The following USP38 variants were observed in gnomAD, a reference collection of about 807,000 sequenced individuals.
USP38 encodes the protein ubiquitin specific peptidase 38.
Under a neutral mutation model 94.3 loss-of-function variants are expected in USP38, and 49 were observed. That is an observed-to-expected ratio of 0.52 (90% CI 0.41 to 0.66). USP38 has a LOEUF of 0.66. Among genes scored for constraint, USP38 ranks in the 30% least tolerant of loss-of-function variants. The probability of loss-of-function intolerance (pLI) is 0.00; values close to 1 mark genes in which losing one functional copy is unlikely to be tolerated. For missense variants in USP38, 1,128 were observed against 1,229.4 expected, an observed-to-expected ratio of 0.92 and a Z score of 1.23; for synonymous variants, 468 against 463.6, an observed-to-expected ratio of 1.01 and a Z score of -0.12.
chr4:143,198,025 G>A, intron 4 of USP38, 101 bp downstream of exon 4: 1 of 730,094 alleles, frequency 1.4e-6, no homozygotes, highest in Non-Finnish European at 2.2e-6. Context: ...TTGCAAGTTA[G>A]TCCCAAATCT....
intron 9 of USP38, among the ~76,000 whole-genome samples, chr4:143,218,441 GTAAAA>G (rs1291170538): frequency 5.9e-5 from 9 of 151,934 alleles, no homozygotes; most frequent in Non-Finnish European, 8.8e-5. Context: ...CCTGTATTAA[GTAAAA>G]TAAAAGACAG....
At chr4:143,201,846 C>G (rs568810435) in intron 4 of USP38, among the ~76,000 whole-genome samples, 5 of 152,098 alleles carry the variant, frequency 3.3e-5, no homozygotes, top group African/African-American at 1.2e-4. Context: ...TCAAAAAAAT[C>G]AACTTTCACA....
At position 143,185,331 on chromosome 4, in the gene USP38, C is replaced by T; in HGVS notation, c.-120C>T. ...CTGCTGAGGCGGCGGTGGCCGTGGCCCGTCGCGCTGCTGCTGCGGCGCTCC... is the reference window on the plus strand; with the variant it reads ...CTGCTGAGGCGGCGGTGGCCGTGGCTCGTCGCGCTGCTGCTGCGGCGCTCC... On this transcript the variant is annotated 5_prime_UTR_variant, in exon 1 of 10. Coordinates refer to ENST00000307017, the MANE Select transcript of USP38 (RefSeq NM_032557.6). 8.8e-7 allele frequency: 1 copy of T among 1,139,412 alleles called. No homozygotes were observed. The highest frequency in any genetic ancestry group is 1.2e-6 in the Non-Finnish European group (1 of 826,572). The allele number at this position is 1,139,412 out of a possible 1,614,324, so 70.6% of individuals were successfully genotyped here. A position where few individuals can be genotyped will look rare whatever the true frequency, so the allele number is the denominator to read the frequency against.
Position 143,220,477 on chromosome 4 carries a change from C to T in USP38, c.*21C>T. On this transcript the variant is annotated 3_prime_UTR_variant, in exon 10 of 10. Coordinates refer to ENST00000307017, the MANE Select transcript of USP38 (RefSeq NM_032557.6). ...TTTGATCCTGAGAGAGTCCAAAATG[C>T]ACTGGTCACGAAACGTCTAATACTA... is the stretch of plus-strand genomic sequence containing the variant. The T allele has an allele frequency of 6.3e-7, 1 of 1,599,000 alleles. No homozygotes were observed. Among genetic ancestry groups the T allele is most frequent in the East Asian group, 2.3e-5 (1 of 44,378 alleles).
At chr4:143,211,172 C>T (rs548366340) in intron 7 of USP38, among the ~76,000 whole-genome samples, 5 of 152,080 alleles carry the variant, frequency 3.3e-5, no homozygotes, top group Non-Finnish European at 5.9e-5. Context: ...CCCTCCTCCT[C>T]CCAAGAAAAG....
chr4:143,206,271 T>C, intron 6 of USP38, 45 bp downstream of exon 6: 1 of 1,412,222 alleles, frequency 7.1e-7, no homozygotes, highest in Non-Finnish European at 9.5e-7. Flanking sequence ...TAGAAGTTGA[T>C]GCATGCTGAT....
At position 143,185,403 on chromosome 4, in the gene USP38, C is replaced by A. The variant is rs759695914; in HGVS notation, c.-48C>A. 2.6e-6 allele frequency: 4 copies of A among 1,520,724 alleles called. No homozygotes were observed. The highest frequency in any genetic ancestry group is 1.4e-5 in the African/African-American group (1 of 72,074). The allele number at this position is 1,520,724 out of a possible 1,614,324, so 94.2% of individuals were successfully genotyped here. A position where few individuals can be genotyped will look rare whatever the true frequency, so the allele number is the denominator to read the frequency against. ...CTCTCCTGCCCCACCTCGGGGCTGC[C>A]GCCACCCGCTCCTTATCCCCTGGCC... On this transcript the variant is annotated 5_prime_UTR_variant, in exon 1 of 10. Transcript: ENST00000307017.
chr4:143,198,220 T>C (rs960911096), intron 4 of USP38, among the ~76,000 whole-genome samples: 1 of 152,152 alleles, frequency 6.6e-6, no homozygotes, highest in Non-Finnish European at 1.5e-5. Context: ...ATAGAAGGAT[T>C]AAAATGATTG....
chr4:143,185,443 T>C lies in USP38; in HGVS notation c.-8T>C, dbSNP rs530881295. 6.4e-7 allele frequency: 1 copy of C among 1,569,846 alleles called. No individual in the cohort carries two copies. The highest frequency in any genetic ancestry group is 1.8e-5 in the Admixed American group (1 of 57,060). ...ATCCCCTGGCCCTGGCCTTGCAGCGTGGCGACAATGGACAAGATCCTGGAG... is the reference window on the plus strand; with the variant it reads ...ATCCCCTGGCCCTGGCCTTGCAGCGCGGCGACAATGGACAAGATCCTGGAG... On this transcript the variant is annotated 5_prime_UTR_variant, in exon 1 of 10. Coordinates refer to ENST00000307017, the MANE Select transcript of USP38 (RefSeq NM_032557.6).
At chr4:143,189,017 A>T (rs1289636078) in intron 2 of USP38, among the ~76,000 whole-genome samples, 1 of 152,010 alleles carries the variant, frequency 6.6e-6, no homozygotes, top group Non-Finnish European at 1.5e-5. Context: ...TTAGATAGTG[A>T]TACATGTTTG....
intron 2 of USP38, among the ~76,000 whole-genome samples, chr4:143,192,791 G>C (rs1381214828): frequency 6.6e-6 from 1 of 152,018 alleles, no homozygotes; most frequent in Non-Finnish European, 1.5e-5. Context: ...TCAGACCACA[G>C]CACCTTCTGA....
chr4:143,207,772 T>C (rs2149610188), intron 6 of USP38, among the ~76,000 whole-genome samples: 1 of 151,956 alleles, frequency 6.6e-6, no homozygotes, highest in Middle Eastern at 3.4e-3. Flanking sequence ...AGTCCAGACA[T>C]CTCCTTTTAC....
chr4:143,188,304 C>A (rs949715608), intron 2 of USP38, among the ~76,000 whole-genome samples: 1 of 151,544 alleles, frequency 6.6e-6, no homozygotes, highest in Non-Finnish European at 1.5e-5. Context: ...TTTCTTTCTT[C>A]CTTAGTAAGT....
chr4:143,216,829 GAC>G (rs1453769554), intron 9 of USP38, among the ~76,000 whole-genome samples: 3 of 146,516 alleles, frequency 2.0e-5, no homozygotes, highest in African/African-American at 7.8e-5. Context: ...TTTATTTATT[GAC>G]ACAGAGTCTC....
rs559221015 is a variant in USP38, at chr4:143,185,813, G to A, written c.363G>A (p.Leu121=). 6.2e-6 allele frequency: 10 copies of A among 1,614,224 alleles called. No individual in the cohort carries two copies. The East Asian group carries it at 2.2e-4, about 36-fold the overall frequency. The change falls in exon 1 of 10, where the codon CTG becomes CTA. Residue 121 remains leucine, a synonymous_variant. Transcript: ENST00000307017. ...TGATTATGAGCTGTCCGTCGGTGCT[G>A]GATCTCTTTAGCCTCCTGCAGGTAG... ...LKLIMSCPSV[L]DLFSLLQVEV... is the part of the protein sequence containing the mutation.
In USP38 at chr4:143,185,891, G is replaced by A; in HGVS notation, c.441G>A (p.Leu147=). The change falls in exon 1 of 10, where the codon CTG becomes CTA. Residue 147 remains leucine (L), a synonymous_variant. Transcript: ENST00000307017. ...ERPEPQLCAR[L]SDLLTDFVQC... ...CGGAGCCGCAGCTCTGTGCCCGACT[G>A]AGCGACCTTCTGACCGACTTTGTGC... 1.2e-6 allele frequency: 2 copies of A among 1,614,224 alleles called. No individual in the cohort carries two copies. The highest frequency in any genetic ancestry group is 1.7e-6 in the Non-Finnish European group (2 of 1,180,044).
At chr4:143,202,475 G>A (rs1276898859) in intron 4 of USP38, among the ~76,000 whole-genome samples, 1 of 151,934 alleles carries the variant, frequency 6.6e-6, no homozygotes, top group East Asian at 1.9e-4. Context: ...TCTACAAATA[G>A]AACAGAAGAT....
intron 4 of USP38, among the ~76,000 whole-genome samples, chr4:143,198,169 G>A (rs140205066): frequency 3.5e-4 from 54 of 152,218 alleles, no homozygotes; most frequent in African/African-American, 1.1e-3. Context: ...TGTTCACATG[G>A]GAGATGTCAC....
chr4:143,208,915 A>G (rs1731946477), intron 6 of USP38, among the ~76,000 whole-genome samples: 1 of 147,588 alleles, frequency 6.8e-6, no homozygotes, highest in Non-Finnish European at 1.5e-5. Context: ...TGGTATCTGT[A>G]TTGGTGTATA....
Sources: allele counts gnomAD v4.1 joint callset (sites outside exome capture counted in the v4.1 genomes callset), GRCh38; gene constraint gnomAD v4.1.1; transcripts MANE v1.5; gene names NCBI Gene and HGNC (gene_info 2026-07-23, HGNC 2026-07-21).